PRICKLE2: variants seen among roughly 807,000 people sequenced by gnomAD.
PRICKLE2 encodes prickle planar cell polarity protein 2, also known as prickle-like protein 2.
In PRICKLE2, 21 loss-of-function variants were observed where a neutral mutation model predicts 81.4. That is an observed-to-expected ratio of 0.26 (90% CI 0.18 to 0.37). PRICKLE2 has a LOEUF of 0.37. Among genes scored for constraint, PRICKLE2 ranks in the 10% least tolerant of loss-of-function variants. PRICKLE2 has a pLI of 1.00. For missense variants in PRICKLE2, 940 were observed against 1,109.0 expected, an observed-to-expected ratio of 0.85 and a Z score of 2.16; for synonymous variants, 456 against 421.5, an observed-to-expected ratio of 1.08 and a Z score of -1.00.
chr3:64,227,901 G>A (rs114356524), upstream of PRICKLE2, among the ~76,000 whole-genome samples: 59 of 152,280 alleles, frequency 3.9e-4, no homozygotes, highest in African/African-American at 1.3e-3. Flanking sequence ...AAGCGGTAAA[G>A]GGAAGACTGC....
At chr3:64,193,252 T>G (rs697280) in intron 2 of PRICKLE2, among the ~76,000 whole-genome samples, 32,158 of 152,104 alleles carry the variant, frequency 0.21, 4,210 homozygotes, top group East Asian at 0.48. Flanking sequence ...TGATGGTATC[T>G]TGGCATTTGA....
intron 1 of PRICKLE2, among the ~76,000 whole-genome samples, chr3:64,205,113 A>C (rs1487445326): frequency 6.6e-6 from 1 of 151,678 alleles, no homozygotes; most frequent in African/African-American, 2.4e-5. Flanking sequence ...AAAAAAAAAA[A>C]AAACATACAA....
At chr3:64,111,409 A>T (rs1016474377) in intron 7 of PRICKLE2, among the ~76,000 whole-genome samples, 2 of 152,184 alleles carry the variant, frequency 1.3e-5, no homozygotes, top group African/African-American at 4.8e-5. Context: ...GCTACTTGAG[A>T]ACTCTTCTCC....
intron 2 of PRICKLE2, among the ~76,000 whole-genome samples, chr3:64,259,483 C>T (rs768663452): frequency 6.6e-5 from 10 of 152,178 alleles, no homozygotes; most frequent in Non-Finnish European, 1.0e-4. Context: ...TGATCCAAGT[C>T]TCCTAATGCT....
intron 2 of PRICKLE2, among the ~76,000 whole-genome samples, chr3:64,173,798 T>C (rs1259819410): frequency 1.3e-5 from 2 of 152,214 alleles, no homozygotes; most frequent in East Asian, 1.9e-4. Flanking sequence ...AGCTGACACA[T>C]ACTTCAGAAT....
chr3:64,169,934 G>T (rs974715088), intron 2 of PRICKLE2, among the ~76,000 whole-genome samples: 1 of 152,140 alleles, frequency 6.6e-6, no homozygotes, highest in South Asian at 2.1e-4. Flanking sequence ...GTACACAGTG[G>T]TTCCCAAATG....
intron 7 of PRICKLE2, among the ~76,000 whole-genome samples, chr3:64,133,357 T>C (rs1251011323): frequency 2.6e-5 from 4 of 152,094 alleles, no homozygotes; most frequent in Non-Finnish European, 5.9e-5. Flanking sequence ...ATTTTTCTCC[T>C]GGAAGAGGAG....
chr3:64,203,208 C>A (rs1381629535), intron 1 of PRICKLE2, among the ~76,000 whole-genome samples: 1 of 152,142 alleles, frequency 6.6e-6, no homozygotes, highest in Non-Finnish European at 1.5e-5. Context: ...TCGTTTGCAT[C>A]TCCAACTCAA....
chr3:64,251,968 G>A (rs1271589535), intron 2 of PRICKLE2, among the ~76,000 whole-genome samples: 1 of 152,254 alleles, frequency 6.6e-6, no homozygotes, highest in Non-Finnish European at 1.5e-5. Context: ...AAGGATGGGG[G>A]CTTCTTGCCA....
chr3:64,100,748 C>T (rs2076646329), intron 7 of PRICKLE2: 1 of 152,182 alleles, frequency 6.6e-6, no homozygotes, highest in Non-Finnish European at 1.5e-5. Flanking sequence ...GAGATGAAAA[C>T]CATTTTGAAG....
chr3:64,156,635 G>C (rs1012861657), intron 5 of PRICKLE2, among the ~76,000 whole-genome samples: 1 of 152,144 alleles, frequency 6.6e-6, no homozygotes, highest in Non-Finnish European at 1.5e-5. Flanking sequence ...ATGGGGCAGA[G>C]ACATCCAAAT....
At chr3:64,205,733 T>TC (rs931188559) in intron 1 of PRICKLE2, among the ~76,000 whole-genome samples, 6 of 152,052 alleles carry the variant, frequency 3.9e-5, no homozygotes, top group East Asian at 1.9e-4. Context: ...TTTCTTTTAT[T>TC]CCCCCCCGCT....
intron 1 of PRICKLE2, among the ~76,000 whole-genome samples, chr3:64,203,543 G>C (rs1300318333): frequency 6.6e-6 from 1 of 152,102 alleles, no homozygotes; most frequent in African/African-American, 2.4e-5. Context: ...TAATTATGCA[G>C]GGAAGAGCAC....
intron 2 of PRICKLE2, among the ~76,000 whole-genome samples, chr3:64,165,262 T>A (rs1175783194): frequency 1.3e-5 from 2 of 152,092 alleles, no homozygotes; most frequent in African/African-American, 4.8e-5. Flanking sequence ...TCTGATACTG[T>A]CTAAGGCTGG....
intron 1 of PRICKLE2, among the ~76,000 whole-genome samples, chr3:64,216,050 C>G (rs2078867116): frequency 6.6e-6 from 1 of 152,232 alleles, no homozygotes; most frequent in South Asian, 2.1e-4. Context: ...TCAGGTAACT[C>G]TCTCCTTCTA....
At chr3:64,166,836 C>T (rs1244268846) in intron 2 of PRICKLE2, among the ~76,000 whole-genome samples, 1 of 152,134 alleles carries the variant, frequency 6.6e-6, no homozygotes, top group Non-Finnish European at 1.5e-5. Flanking sequence ...CTTCGAAGTC[C>T]ATTGAAGTCC....
intron 7 of PRICKLE2, among the ~76,000 whole-genome samples, chr3:64,123,533 C>T (rs1470378111): frequency 2.0e-5 from 3 of 152,238 alleles, no homozygotes; most frequent in East Asian, 1.9e-4. Context: ...GTGATGCTTA[C>T]GAATGGAAGG....
intron 2 of PRICKLE2, among the ~76,000 whole-genome samples, chr3:64,179,381 T>C (rs2078087368): frequency 3.3e-5 from 5 of 152,176 alleles, no homozygotes; most frequent in Admixed American, 3.3e-4. Context: ...TGGCCTAACA[T>C]ACGTATTTTC....
At chr3:64,141,316 G>T (rs1268678991) in intron 7 of PRICKLE2, among the ~76,000 whole-genome samples, 1 of 152,176 alleles carries the variant, frequency 6.6e-6, no homozygotes, top group African/African-American at 2.4e-5. Flanking sequence ...GGGCTATTCA[G>T]CCTCTCAGTG....
Sources: gnomAD v4.1 joint callset for allele counts (sites outside exome capture counted in the v4.1 genomes callset) on GRCh38, gnomAD v4.1.1 for gene constraint, MANE v1.5 for transcripts, NCBI Gene and HGNC (gene_info 2026-07-23, HGNC 2026-07-21) for gene names.